The following GABRA3 variants were observed in gnomAD, a reference collection of about 807,000 sequenced individuals.
GABRA3 encodes the protein gamma-aminobutyric acid receptor subunit alpha-3.
A neutral mutation model predicts 30.1 loss-of-function variants in GABRA3; 10 were observed. The observed-to-expected ratio is 0.33, with a 90% CI of 0.20 to 0.56. The LOEUF is 0.56. Among genes scored for constraint, GABRA3 ranks in the 20% least tolerant of loss-of-function variants. GABRA3 has a pLI of 0.89. For missense variants in GABRA3, 233 were observed against 392.0 expected (o/e 0.59, Z 3.42); for synonymous variants, 151 against 146.8 (o/e 1.03, Z -0.21).
chrX:152,184,668 G>A (rs965809870), intron 9 of GABRA3, among the ~76,000 whole-genome samples: 3 of 111,234 alleles, frequency 2.7e-5, no homozygotes, highest in Non-Finnish European at 3.8e-5. Flanking sequence ...ACTGCAGTTC[G>A]ATAAATCAGT....
intron 1 of GABRA3, among the ~76,000 whole-genome samples, chrX:152,400,093 A>C: frequency 8.9e-6 from 1 of 111,835 alleles, no homozygotes; most frequent in Non-Finnish European, 1.9e-5. Context: ...GGATACACAC[A>C]CGTCACTCTG....
intron 6 of GABRA3, among the ~76,000 whole-genome samples, chrX:152,219,478 C>T (rs769781771): frequency 2.7e-5 from 3 of 110,738 alleles, no homozygotes; most frequent in Non-Finnish European, 5.7e-5. Flanking sequence ...ATGAGCAAAA[C>T]CAGAAAAAAG....
rs774553328 is a variant in GABRA3, at chrX:152,357,124, G to A, written c.140+7307C>T. Among the ~76,000 whole-genome samples, 48 of 111,279 alleles carry A rather than the reference G, an allele frequency of 4.3e-4. No homozygotes were observed. In the Middle Eastern group the frequency reaches 0.028, roughly 64 times the overall value. ...TATATATCCAATAATGGGATGCCTG[G>A]GTCAAATAGTAATTCCATTTTAAGT... On this transcript the variant is annotated intron_variant, in intron 2 of 9. Transcript: ENST00000370314.
chrX:152,361,837 A>C (rs1459476871), intron 2 of GABRA3, among the ~76,000 whole-genome samples: 1 of 111,738 alleles, frequency 8.9e-6, no homozygotes, highest in Non-Finnish European at 1.9e-5. Context: ...ATTCTGTTTA[A>C]AAAAATCCTT....
In GABRA3 at chrX:152,168,574, G is replaced by A. The variant is rs749190609; in HGVS notation, c.1144-11C>T. The A allele has an allele frequency of 5.2e-6, 6 of 1,145,600 alleles. No homozygotes were observed. In the Admixed American group the frequency reaches 1.4e-4, roughly 26 times the overall value. 94.4% of individuals were successfully genotyped at this position (1,145,600 alleles called of 1,213,427 possible). ...TGCTGGTGTTTTCTTCTAGAGGCCA[G>A]GAAAAAGAGGGGGGGAAAGGGAGAA... On this transcript the variant is annotated splice_polypyrimidine_tract_variant and intron_variant, in intron 9 of 9. Coordinates refer to ENST00000370314, the MANE Select transcript of GABRA3 (RefSeq NM_000808.4).
chrX:152,229,478 A>C (rs149864409), intron 5 of GABRA3, among the ~76,000 whole-genome samples: 1 of 110,708 alleles, frequency 9.0e-6, no homozygotes, highest in African/African-American at 3.3e-5. Context: ...TTTAGCAGGT[A>C]CCTCACTGAG....
chrX:152,364,314 G>C, intron 2 of GABRA3, 117 bp downstream of exon 2: 1 of 642,694 alleles, frequency 1.6e-6, no homozygotes, highest in East Asian at 3.4e-5. Context: ...ATAATGTAAT[G>C]TATAAGTATC....
At chrX:152,354,046 T>C (rs1401595281) in intron 2 of GABRA3, among the ~76,000 whole-genome samples, 3 of 112,242 alleles carry the variant, frequency 2.7e-5, no homozygotes, top group Admixed American at 9.5e-5. Context: ...CCCAGCTATG[T>C]GGCTGAGATA....
chrX:152,245,380 G>A (rs1873368489), intron 5 of GABRA3, among the ~76,000 whole-genome samples: 1 of 111,288 alleles, frequency 9.0e-6, no homozygotes, highest in African/African-American at 3.3e-5. Context: ...TACAGCATGA[G>A]TCACTTGAAA....
chrX:152,411,078 G>A (rs1356623240), intron 1 of GABRA3, among the ~76,000 whole-genome samples: 1 of 111,981 alleles, frequency 8.9e-6, no homozygotes, highest in Non-Finnish European at 1.9e-5. Context: ...GGGAGGCCAA[G>A]GTGGGAAGAT....
intron 2 of GABRA3, among the ~76,000 whole-genome samples, chrX:152,360,710 A>AT (rs1569407627): frequency 1.2e-5 from 1 of 83,857 alleles, no homozygotes; most frequent in Non-Finnish European, 2.3e-5. Context: ...AAAAAAAAAA[A>AT]TTAAAAAAAA....
In GABRA3 at chrX:152,196,316, G is replaced by A. The variant is rs1937385510; in HGVS notation, c.931+1317C>T. 2.9e-5 allele frequency among the ~76,000 whole-genome samples: 3 copies of A among 103,949 alleles called. No individual in the cohort carries two copies. The South Asian group carries it at 1.4e-3, about 48-fold the overall frequency. The allele number at this position is 103,949 out of a possible 115,157, so 90.3% of individuals were successfully genotyped here. A position where few individuals can be genotyped will look rare whatever the true frequency, so the allele number is the denominator to read the frequency against. ...GGAGGCTGAGGCAGGAGAATCGCTT[G>A]AACCTGAGAGGCGGGGGGTTGCAGT... On this transcript the variant is annotated intron_variant, in intron 8 of 9. Transcript: ENST00000370314.
chrX:152,329,441 A>G (rs1413635403), intron 3 of GABRA3, among the ~76,000 whole-genome samples: 3 of 112,096 alleles, frequency 2.7e-5, no homozygotes, highest in Non-Finnish European at 5.6e-5. Flanking sequence ...ACCCGACTTC[A>G]AATTATACTA....
chrX:152,194,423 A>G (rs1178817251), intron 8 of GABRA3, among the ~76,000 whole-genome samples: 3 of 99,923 alleles, frequency 3.0e-5, no homozygotes, highest in Non-Finnish European at 6.3e-5. Flanking sequence ...ATATTTCAAA[A>G]TATTTTTTTA....
intron 2 of GABRA3, among the ~76,000 whole-genome samples, chrX:152,352,602 C>T (rs1940494655): frequency 9.0e-6 from 1 of 111,621 alleles, no homozygotes; most frequent in African/African-American, 3.3e-5. Flanking sequence ...GTTCATACAA[C>T]ATCCCAAAGA....
At chrX:152,424,928 C>CTTTTTTTTTTTTTTTTT (rs747255822) in intron 1 of GABRA3, among the ~76,000 whole-genome samples, 1 of 42,358 alleles carries the variant, frequency 2.4e-5, no homozygotes, top group Non-Finnish European at 3.8e-5. Flanking sequence ...TTTTTCTTTT[C>CTTTTTTTTTTTTTTTTT]TTTTTTTTTT....
At chrX:152,418,042 A>T (rs1490627220) in intron 1 of GABRA3, among the ~76,000 whole-genome samples, 1 of 110,970 alleles carries the variant, frequency 9.0e-6, no homozygotes, top group Non-Finnish European at 1.9e-5. Flanking sequence ...AAGAAGAAAA[A>T]AAAGAAAAAA....
At chrX:152,386,838 A>T (rs1929329699) in intron 1 of GABRA3, among the ~76,000 whole-genome samples, 1 of 109,888 alleles carries the variant, frequency 9.1e-6, no homozygotes, top group Admixed American at 9.8e-5. Flanking sequence ...CTATAAAGAC[A>T]CATGCACACG....
intron 5 of GABRA3, among the ~76,000 whole-genome samples, chrX:152,237,409 T>C (rs1262366892): frequency 2.9e-5 from 3 of 104,342 alleles, no homozygotes; most frequent in African/African-American, 1.1e-4. Context: ...CCTTGTAGTA[T>C]AGTTTGAAGT....
Sources: gnomAD v4.1 joint callset for allele counts (sites outside exome capture counted in the v4.1 genomes callset) on GRCh38, gnomAD v4.1.1 for gene constraint, MANE v1.5 for transcripts, NCBI Gene and HGNC (gene_info 2026-07-23, HGNC 2026-07-21) for gene names.